The following ZSCAN31 variants were observed in gnomAD, a reference collection of about 807,000 sequenced individuals.
ZSCAN31 encodes zinc finger and SCAN domain-containing protein 31.
A neutral mutation model predicts 22.5 loss-of-function variants in ZSCAN31; 14 were observed. The observed-to-expected ratio is 0.62, with a 90% CI of 0.41 to 0.97. The LOEUF (loss-of-function observed/expected upper bound fraction) is 0.97. ZSCAN31 is among the 50% of genes least tolerant of loss of function. The pLI is 0.00. For synonymous variants in ZSCAN31, 168 were observed against 169.8 expected (o/e 0.99, Z 0.08); for missense variants, 424 against 483.4 (o/e 0.88, Z 1.15).
chr6:28,345,667 A>C (rs765601727), intron 2 of ZSCAN31, among the ~76,000 whole-genome samples: 3 of 152,188 alleles, frequency 2.0e-5, no homozygotes, highest in African/African-American at 4.8e-5. Flanking sequence ...CCAAGAACAT[A>C]CAGAATCATT....
At position 28,333,483 on chromosome 6, in the gene ZSCAN31, A is replaced by G. The variant is rs780407853; in HGVS notation, c.-96+2599T>C. On this transcript the variant is annotated intron_variant, in intron 1 of 3. Transcript: ENST00000344279. This position sits in a 1 kb window ranked among gnomAD's most constrained non-coding sequence, Gnocchi z 4.1. Reference sequence around the variant, plus strand: ...AACAAAAATAAGTAAGGAGGCAAATAAAATAATTATGAGTTGTGATGATTA... The same window carrying G: ...AACAAAAATAAGTAAGGAGGCAAATGAAATAATTATGAGTTGTGATGATTA... Among the ~76,000 whole-genome samples the G allele has an allele frequency of 4.6e-5, 7 of 152,224 alleles. No homozygotes were observed. Among genetic ancestry groups the G allele is most frequent in the African/African-American group, 7.2e-5 (3 of 41,448 alleles).
chr6:28,329,388 A>T lies in ZSCAN31; in HGVS notation c.296T>A (p.Val99Glu). ...TILPEELQAW[V>E]REHHPESGEE... ...CCCACTCTCCGGATGGTGCTCCCGCACCCAGGCCTGGAGCTCCTCAGGCAG... is the reference window on the plus strand; with the variant it reads ...CCCACTCTCCGGATGGTGCTCCCGCTCCCAGGCCTGGAGCTCCTCAGGCAG... Residue 99 changes from valine (V) to glutamate (E), a missense_variant, in exon 2 of 4, where the codon GTG becomes GAG. Physicochemically the swap from Val to Glu is moderately radical, Grantham distance 121 (BLOSUM62 -2). Transcript: ENST00000344279. 1 of 1,614,088 alleles carries T rather than the reference A, an allele frequency of 6.2e-7. No individual in the cohort carries two copies. The highest frequency in any genetic ancestry group is 8.5e-7 in the Non-Finnish European group (1 of 1,180,016).
intron 1 of ZSCAN31, among the ~76,000 whole-genome samples, chr6:28,334,981 G>T (rs1479011437): frequency 6.6e-6 from 1 of 152,202 alleles, no homozygotes; most frequent in African/African-American, 2.4e-5. Context: ...GACAAACATT[G>T]CATAATGTTG....
At chr6:28,354,085 C>A (rs1033401895) in intron 1 of ZSCAN31, 1 of 398,626 alleles carries the variant, frequency 2.5e-6, no homozygotes, top group South Asian at 1.8e-5. Flanking sequence ...GCCGCTCCCA[C>A]ACTTACAGCT....
intron 2 of ZSCAN31, among the ~76,000 whole-genome samples, chr6:28,348,831 A>G (rs1366140898): frequency 1.3e-5 from 2 of 152,096 alleles, no homozygotes; most frequent in African/African-American, 4.8e-5. Context: ...TGATATCTTT[A>G]TGATATTGAG....
At chr6:28,350,010 A>G (rs1764864489) in intron 2 of ZSCAN31, 1 of 152,270 alleles carries the variant, frequency 6.6e-6, no homozygotes, top group Non-Finnish European at 1.5e-5. Context: ...GTGGGGTTAA[A>G]TCTCATCCCG....
At chr6:28,342,145 G>C (rs542750722) in intron 2 of ZSCAN31, among the ~76,000 whole-genome samples, 2 of 152,324 alleles carry the variant, frequency 1.3e-5, no homozygotes, top group Admixed American at 6.5e-5. Flanking sequence ...CAAAGGCTGA[G>C]GATCAGGCCT....
At chr6:28,341,390 G>C (rs1263703476) in intron 3 of ZSCAN31, among the ~76,000 whole-genome samples, 2 of 152,180 alleles carry the variant, frequency 1.3e-5, no homozygotes, top group Non-Finnish European at 2.9e-5. Context: ...TTATAGATAT[G>C]GTGCCTTCTA....
intron 2 of ZSCAN31, among the ~76,000 whole-genome samples, chr6:28,342,191 A>T (rs1262436325): frequency 2.0e-5 from 3 of 152,184 alleles, no homozygotes; most frequent in Non-Finnish European, 4.4e-5. Context: ...GCTCGAGAAA[A>T]GATGTCACAT....
At position 28,351,196 on chromosome 6, in the gene ZSCAN31, T is replaced by C. The variant is rs982322752; in HGVS notation, c.-371+2666A>G. On this transcript the variant is annotated intron_variant, in intron 2 of 7. Transcript: ENST00000396838. The surrounding 1 kb of genome is among the most constrained non-coding windows in gnomAD (Gnocchi z 4.6). ...GTGTTGGCAACCAATTTCCCAATCT[T>C]GTGCCTTCCCACTGTGATCAGTTTG... Among the ~76,000 whole-genome samples, 3 of 152,210 alleles carry C rather than the reference T, an allele frequency of 2.0e-5. No individual in the cohort carries two copies. The highest frequency in any genetic ancestry group is 1.3e-4 in the Admixed American group (2 of 15,284).
chr6:28,327,626 C>T, intron 2 of ZSCAN31, 93 bp from the exon 3 acceptor site: 2 of 1,386,368 alleles, frequency 1.4e-6, no homozygotes, highest in Non-Finnish European at 2.0e-6. Flanking sequence ...CTATATGAAA[C>T]ATTTTCTAGA....
chr6:28,352,953 C>T (rs1315960326), intron 2 of ZSCAN31, among the ~76,000 whole-genome samples: 1 of 142,408 alleles, frequency 7.0e-6, no homozygotes, highest in East Asian at 2.1e-4. Context: ...CATTTCTTTT[C>T]TTTTCTTTTT....
chr6:28,326,739 G>C lies in ZSCAN31; in HGVS notation c.648C>G (p.Tyr216Ter). 2 of 1,613,998 alleles carry C rather than the reference G, an allele frequency of 1.2e-6. No individual in the cohort carries two copies. The highest frequency in any genetic ancestry group is 1.7e-6 in the Non-Finnish European group (2 of 1,180,034). Reference protein sequence around the residue: ...LQRDVSLDSKYRETCKRDSKA... With the variant: ...LQRDVSLDSK ...TGCTGTCTCGTTTACAAGTTTCTCT[G>C]TACTTAGAATCCAAAGATACATCTC... The change falls in exon 4 of 4, where the codon TAC (tyrosine) becomes TAG (stop). Residue 216 changes from tyrosine to a stop codon, truncating the protein, a stop_gained. Coordinates refer to ENST00000344279, the MANE Select transcript of ZSCAN31 (RefSeq NM_030899.5). LOFTEE classifies it low-confidence loss of function (END_TRUNC).
chr6:28,348,702 G>A (rs1764752811), intron 2 of ZSCAN31, among the ~76,000 whole-genome samples: 2 of 151,958 alleles, frequency 1.3e-5, no homozygotes, highest in South Asian at 2.1e-4. Flanking sequence ...AAAATGTCTC[G>A]GATTCGTGAC....
chr6:28,342,081 A>C (rs574078977), intron 2 of ZSCAN31, among the ~76,000 whole-genome samples: 1 of 152,354 alleles, frequency 6.6e-6, no homozygotes, highest in African/African-American at 2.4e-5. Context: ...AAAGTGAAAA[A>C]TTCAGAGACA....
intron 2 of ZSCAN31, among the ~76,000 whole-genome samples, chr6:28,343,450 C>G (rs929459156): frequency 2.0e-5 from 3 of 151,822 alleles, no homozygotes; most frequent in Admixed American, 6.6e-5. Context: ...TAAAGAATGA[C>G]AGTTAACTAC....
upstream of ZSCAN31, chr6:28,337,886 C>T (rs1215311142): frequency 6.6e-6 from 1 of 152,094 alleles, no homozygotes; most frequent in Non-Finnish European, 1.5e-5. Flanking sequence ...CATAGTGAGA[C>T]TCTGTCTCTG....
At chr6:28,327,921 G>A (rs1763423009) in intron 2 of ZSCAN31, among the ~76,000 whole-genome samples, 1 of 152,168 alleles carries the variant, frequency 6.6e-6, no homozygotes, top group Non-Finnish European at 1.5e-5. Flanking sequence ...CAGCCAGCTT[G>A]AGAAATAAAG....
At chr6:28,332,295 T>C (rs1398682492) in intron 1 of ZSCAN31, 2 of 152,254 alleles carry the variant, frequency 1.3e-5, no homozygotes, top group East Asian at 3.8e-4. Flanking sequence ...CACAAAATTA[T>C]GAACGCATCT....
Sources: gnomAD v4.1 joint callset for allele counts (sites outside exome capture counted in the v4.1 genomes callset) on GRCh38, gnomAD v4.1.1 for gene constraint, Gnocchi (gnomAD v3.1) non-coding constraint, MANE v1.5 for transcripts, NCBI Gene and HGNC (gene_info 2026-07-23, HGNC 2026-07-21) for gene names.